The following MSRB3 variants were observed in gnomAD, a reference collection of about 807,000 sequenced individuals.
MSRB3 encodes methionine-R-sulfoxide reductase B3.
Under a neutral mutation model 21.0 loss-of-function variants are expected in MSRB3, and 13 were observed. That is an observed-to-expected ratio of 0.62 (90% CI 0.40 to 0.98). The LOEUF is 0.98. Among genes scored for constraint, MSRB3 ranks in the 50% least tolerant of loss-of-function variants. The probability of loss-of-function intolerance (pLI) is 0.00; values close to 1 mark genes in which losing one functional copy is unlikely to be tolerated. For synonymous variants in MSRB3, 87 were observed against 88.6 expected (o/e 0.98, Z 0.10); for missense variants, 199 against 230.3 (o/e 0.86, Z 0.88).
intron 5 of MSRB3, among the ~76,000 whole-genome samples, chr12:65,393,710 A>ATG (rs1175076695): frequency 2.0e-5 from 3 of 151,314 alleles, no homozygotes; most frequent in Admixed American, 6.6e-5. Flanking sequence ...GTGTATATAT[A>ATG]TGTGTGTGTG....
chr12:65,420,488 T>C (rs1373322764), intron 5 of MSRB3, among the ~76,000 whole-genome samples: 2 of 152,142 alleles, frequency 1.3e-5, no homozygotes, highest in African/African-American at 4.8e-5. Flanking sequence ...AAAAAACTTT[T>C]ATTTAAGTTT....
At chr12:65,405,679 G>A (rs559226673) in intron 5 of MSRB3, among the ~76,000 whole-genome samples, 1 of 152,006 alleles carries the variant, frequency 6.6e-6, no homozygotes, top group South Asian at 2.1e-4. Context: ...TTTTCTGTAA[G>A]GTCTATACTA....
intron 5 of MSRB3, among the ~76,000 whole-genome samples, chr12:65,407,705 T>G (rs1037480786): frequency 6.6e-6 from 1 of 152,220 alleles, no homozygotes; most frequent in Non-Finnish European, 1.5e-5. Context: ...CCTTTAAAAT[T>G]ATCCCACAGT....
intron 4 of MSRB3, among the ~76,000 whole-genome samples, chr12:65,329,958 T>G (rs1341230414): frequency 6.6e-6 from 1 of 152,250 alleles, no homozygotes; most frequent in Non-Finnish European, 1.5e-5. Flanking sequence ...TGTCACCCAT[T>G]TCCTCTCAGA....
At chr12:65,359,583 A>G (rs1877588886) in intron 4 of MSRB3, among the ~76,000 whole-genome samples, 1 of 152,124 alleles carries the variant, frequency 6.6e-6, no homozygotes, top group Non-Finnish European at 1.5e-5. Context: ...AAATAAATGC[A>G]TTGGAAATTG....
intron 1 of MSRB3, chr12:65,279,404 G>A (rs1871872551): frequency 6.6e-6 from 1 of 152,040 alleles, no homozygotes; most frequent in African/African-American, 2.4e-5. Context: ...GCGCACCCGG[G>A]AGCGCACCCG....
chr12:65,369,083 G>T, intron 5 of MSRB3, 57 bp downstream of exon 5: 1 of 1,239,066 alleles, frequency 8.1e-7, no homozygotes, highest in Non-Finnish European at 1.2e-6. Context: ...TATTCTCTGA[G>T]GAGTAAATCA....
chr12:65,431,202 G>A (rs987144839), intron 5 of MSRB3, among the ~76,000 whole-genome samples: 14 of 151,956 alleles, frequency 9.2e-5, no homozygotes, highest in Non-Finnish European at 1.6e-4. Flanking sequence ...GTATTCCTGA[G>A]GCCTGCATGT....
At chr12:65,302,579 T>TA (rs1592504132) in intron 1 of MSRB3, among the ~76,000 whole-genome samples, 1 of 152,204 alleles carries the variant, frequency 6.6e-6, no homozygotes, top group African/African-American at 2.4e-5. Flanking sequence ...AATTACCTCT[T>TA]AAAATCACTT....
At chr12:65,293,718 T>C (rs1872788428) in intron 1 of MSRB3, among the ~76,000 whole-genome samples, 1 of 152,222 alleles carries the variant, frequency 6.6e-6, no homozygotes, top group Non-Finnish European at 1.5e-5. Context: ...TGTCTTTTGC[T>C]TCACTAAGAC....
At chr12:65,414,208 A>G (rs1277567384) in intron 5 of MSRB3, among the ~76,000 whole-genome samples, 2 of 152,222 alleles carry the variant, frequency 1.3e-5, no homozygotes, top group African/African-American at 2.4e-5. Flanking sequence ...TGTTATATAC[A>G]GAATAGGCTA....
Position 65,463,675 on chromosome 12 carries a change from C to T in MSRB3, c.*353C>T, listed in dbSNP as rs1241168817. 3 of 328,172 alleles carry T rather than the reference C, an allele frequency of 9.1e-6. No homozygotes were observed. Among genetic ancestry groups the T allele is most frequent in the South Asian group, 2.7e-5 (1 of 37,486 alleles). 20.3% of individuals were successfully genotyped at this position (328,172 alleles called of 1,614,324 possible). Reference sequence around the variant, plus strand: ...GGTCTTCAAACATGAAAATAGAGATCTCCTCTGCAGTGTAGAGACCAGAGC... The same window carrying T: ...GGTCTTCAAACATGAAAATAGAGATTTCCTCTGCAGTGTAGAGACCAGAGC... On this transcript the variant is annotated 3_prime_UTR_variant, in exon 7 of 7. Transcript: ENST00000308259.
chr12:65,435,894 C>A lies in MSRB3; in HGVS notation c.293-17834C>A, dbSNP rs9630307. Among the ~76,000 whole-genome samples the A allele has an allele frequency of 8.2e-3, 1,238 of 151,854 alleles. 18 individuals carry two copies. Among genetic ancestry groups the A allele is most frequent in the African/African-American group, 0.029 (1,192 of 41,484 alleles). ...TCTAGGGAGAGTCCAGATATTTTGTCCATTTTTTCAATAATAGATGTGGCA... is the reference window on the plus strand; with the variant it reads ...TCTAGGGAGAGTCCAGATATTTTGTACATTTTTTCAATAATAGATGTGGCA... On this transcript the variant is annotated intron_variant, in intron 5 of 6. Coordinates refer to ENST00000308259, the MANE Select transcript of MSRB3 (RefSeq NM_001031679.3).
chr12:65,405,835 A>G (rs1171641554), intron 5 of MSRB3, among the ~76,000 whole-genome samples: 2 of 152,116 alleles, frequency 1.3e-5, no homozygotes, highest in South Asian at 2.1e-4. Context: ...ATGATTAGTG[A>G]TGTTGAGCAT....
chr12:65,397,605 T>C (rs755239262), intron 5 of MSRB3, among the ~76,000 whole-genome samples: 29 of 152,164 alleles, frequency 1.9e-4, no homozygotes, highest in Non-Finnish European at 3.4e-4. Flanking sequence ...TCTTTACTTC[T>C]TTTTCTTTTT....
chr12:65,385,827 T>C (rs954572820), intron 5 of MSRB3, among the ~76,000 whole-genome samples: 1 of 152,000 alleles, frequency 6.6e-6, no homozygotes, highest in Non-Finnish European at 1.5e-5. Context: ...TTCCTTTAGT[T>C]GGATTAAAGT....
At chr12:65,279,205 G>A in intron 1 of MSRB3, 1 of 516,924 alleles carries the variant, frequency 1.9e-6, no homozygotes. Context: ...GAGGGATCTG[G>A]CGGGGCAGCC....
chr12:65,424,341 C>T (rs1157433293), intron 5 of MSRB3, among the ~76,000 whole-genome samples: 1 of 151,208 alleles, frequency 6.6e-6, no homozygotes, highest in Non-Finnish European at 1.5e-5. Context: ...TTATTTTCTT[C>T]TTCCTGCTAT....
intron 4 of MSRB3, among the ~76,000 whole-genome samples, chr12:65,338,546 C>T (rs1875935690): frequency 6.6e-6 from 1 of 152,084 alleles, no homozygotes; most frequent in Non-Finnish European, 1.5e-5. Context: ...AACAACAAAA[C>T]AGTAAATAGA....
Sources: allele counts gnomAD v4.1 joint callset (sites outside exome capture counted in the v4.1 genomes callset), GRCh38; gene constraint gnomAD v4.1.1; transcripts MANE v1.5; gene names NCBI Gene and HGNC (gene_info 2026-07-23, HGNC 2026-07-21).